Variants in RANBP2 observed in about 807,000 individuals in gnomAD.
RANBP2 encodes the protein RAN binding protein 2.
A neutral mutation model predicts 303.6 loss-of-function variants in RANBP2; 57 were observed. The observed-to-expected ratio is 0.19, with a 90% CI of 0.15 to 0.23. RANBP2 has a LOEUF of 0.23. RANBP2 is among the 10% of genes least tolerant of loss of function. The probability of loss-of-function intolerance (pLI) is 1.00; values close to 1 mark genes in which losing one functional copy is unlikely to be tolerated. For missense variants in RANBP2, 3,138 were observed against 3,780.8 expected, an observed-to-expected ratio of 0.83 and a Z score of 4.46; for synonymous variants, 1,167 against 1,301.5, an observed-to-expected ratio of 0.90 and a Z score of 2.23.
the RANBP2 span, chr2:109,545,197 G>C: frequency 1.0e-6 from 1 of 985,384 alleles, no homozygotes; most frequent in Non-Finnish European, 1.2e-6. Flanking sequence ...AACTGAGGCA[G>C]AGTCCCCCAA....
the RANBP2 span, among the ~76,000 whole-genome samples, chr2:109,226,154 G>T: frequency 1.4e-4 from 21 of 152,192 alleles, no homozygotes; most frequent in African/African-American, 5.1e-4. Flanking sequence ...CCAAATAGCA[G>T]TTATTATCTG....
chr2:108,811,247 C>CTTTTTTTTTTTTTTTTTT, the RANBP2 span, among the ~76,000 whole-genome samples: 1 of 113,940 alleles, frequency 8.8e-6, no homozygotes, highest in African/African-American at 3.8e-5. Flanking sequence ...TTCTCTCTCT[C>CTTTTTTTTTTTTTTTTTT]TTTTTTTTTT....
the RANBP2 span, among the ~76,000 whole-genome samples, chr2:109,525,616 G>A: frequency 2.0e-5 from 3 of 152,214 alleles, no homozygotes; most frequent in African/African-American, 7.2e-5. Context: ...TTCAGGGCAG[G>A]ATGGAAACAT....
chr2:108,888,125 A>G, the RANBP2 span, among the ~76,000 whole-genome samples: 50 of 152,072 alleles, frequency 3.3e-4, 1 homozygote, highest in African/African-American at 1.1e-3. Context: ...AGATGATCAT[A>G]TGGTTTTTTT....
At chr2:109,345,176 C>T in the RANBP2 span, among the ~76,000 whole-genome samples, 1 of 152,156 alleles carries the variant, frequency 6.6e-6, no homozygotes, top group Non-Finnish European at 1.5e-5. Context: ...GGCTCTGCAC[C>T]CCAGCTTTAC....
chr2:108,876,314 AAAGT>A, the RANBP2 span: 1 of 921,194 alleles, frequency 1.1e-6, no homozygotes, highest in Non-Finnish European at 1.6e-6. Context: ...AGAAATTACC[AAAGT>A]AACTACAATT....
At chr2:109,613,897 G>T in the RANBP2 span, 1 of 1,229,404 alleles carries the variant, frequency 8.1e-7, no homozygotes, top group Non-Finnish European at 1.0e-6. Context: ...CGGCGACGGC[G>T]GCGGGAAGGC....
the RANBP2 span, among the ~76,000 whole-genome samples, chr2:109,085,621 A>G: frequency 6.2e-4 from 51 of 82,424 alleles, no homozygotes; most frequent in Non-Finnish European, 8.7e-4. Context: ...TTTTTTTGAG[A>G]TGGAGTTTCA....
chr2:109,606,672 CTTTTTTTTTT>C, the RANBP2 span, among the ~76,000 whole-genome samples: 634 of 71,958 alleles, frequency 8.8e-3, 5 homozygotes, highest in Middle Eastern at 0.042. Flanking sequence ...AAATTTTAAG[CTTTTTTTTTT>C]TTTTTTTTTT....
chr2:108,812,601 T>C, the RANBP2 span: 2 of 1,547,138 alleles, frequency 1.3e-6, no homozygotes, highest in Non-Finnish European at 1.8e-6. Context: ...AAGGTGTATA[T>C]TGAAATATCT....
At chr2:109,130,181 G>C in the RANBP2 span, 2 of 1,238,382 alleles carry the variant, frequency 1.6e-6, no homozygotes, top group African/African-American at 3.1e-5. Flanking sequence ...TTGGGCGTGG[G>C]GGGCAGTGAT....
chr2:109,007,345 G>A, the RANBP2 span, among the ~76,000 whole-genome samples: 1 of 152,238 alleles, frequency 6.6e-6, no homozygotes, highest in Non-Finnish European at 1.5e-5. Context: ...TCCATCAGTA[G>A]TGTGCTAAAG....
chr2:109,260,792 C>T, the RANBP2 span, among the ~76,000 whole-genome samples: 1 of 152,166 alleles, frequency 6.6e-6, no homozygotes, highest in Non-Finnish European at 1.5e-5. Context: ...TGTGTCTGAA[C>T]CAAGTTCCTA....
chr2:109,332,260 G>C, the RANBP2 span, among the ~76,000 whole-genome samples: 1 of 152,130 alleles, frequency 6.6e-6, no homozygotes. Flanking sequence ...ACAACCTGCT[G>C]ATCCGTCTGT....
At chr2:109,001,976 C>A in the RANBP2 span, among the ~76,000 whole-genome samples, 1 of 151,968 alleles carries the variant, frequency 6.6e-6, no homozygotes, top group Non-Finnish European at 1.5e-5. Context: ...ATGATCCGCC[C>A]GCCTCGGCCT....
chr2:109,211,440 G>A, the RANBP2 span, among the ~76,000 whole-genome samples: 1 of 152,188 alleles, frequency 6.6e-6, no homozygotes, highest in Non-Finnish European at 1.5e-5. Flanking sequence ...AGCATGGAGC[G>A]GAAGGAGTAG....
rs1258036394 is a variant in RANBP2, at chr2:108,784,635, G to T, written c.*734G>T. ...AAACTGCAGCTTGGTTCTGATGATA[G>T]AAATTGAATTTTTCCTTGTAGTTAT... On this transcript the variant is annotated 3_prime_UTR_variant, in exon 29 of 29. Coordinates refer to ENST00000283195, the MANE Select transcript of RANBP2 (RefSeq NM_006267.5). The T allele has an allele frequency of 6.6e-6, 1 of 152,606 alleles. No individual in the cohort carries two copies. Among genetic ancestry groups the T allele is most frequent in the Non-Finnish European group, 1.5e-5 (1 of 68,032 alleles). 9.5% of individuals were successfully genotyped at this position (152,606 alleles called of 1,614,324 possible).
chr2:108,768,037 A>T lies in RANBP2; in HGVS notation c.7498A>T (p.Thr2500Ser). 6.2e-7 allele frequency: 1 copy of T among 1,612,050 alleles called. No homozygotes were observed. Among genetic ancestry groups the T allele is most frequent in the Non-Finnish European group, 8.5e-7 (1 of 1,179,866 alleles). ...AACTTCAGAAGTTGAAGTGTCTAGCACATCTGAAACAACACCAAAAGCAGT... is the reference window on the plus strand; with the variant it reads ...AACTTCAGAAGTTGAAGTGTCTAGCTCATCTGAAACAACACCAAAAGCAGT... Reference protein sequence around the residue: ...DATSEVEVSSTSETTPKAVVS... With the variant: ...DATSEVEVSSSSETTPKAVVS... Residue 2500 changes from threonine to serine, a missense_variant, in exon 20 of 29, where the codon ACA (threonine) becomes TCA (serine). Thr to Ser is a moderately conservative substitution (Grantham distance 58). Coordinates refer to ENST00000283195, the MANE Select transcript of RANBP2 (RefSeq NM_006267.5).
At chr2:108,883,790 G>A in the RANBP2 span, 1 of 152,190 alleles carries the variant, frequency 6.6e-6, no homozygotes, top group Non-Finnish European at 1.5e-5. Context: ...TGCCCCTCTT[G>A]GTTTCCCTAA....
Sources: gnomAD v4.1 joint callset for allele counts (sites outside exome capture counted in the v4.1 genomes callset) on GRCh38, gnomAD v4.1.1 for gene constraint, MANE v1.5 for transcripts, NCBI Gene and HGNC (gene_info 2026-07-23, HGNC 2026-07-21) for gene names.